The following SLC2A5 variants were observed in gnomAD, a reference collection of about 807,000 sequenced individuals.
SLC2A5 encodes the protein solute carrier family 2 member 5.
SLC2A5 carries 56 observed loss-of-function variants against 50.3 expected under a neutral mutation model. The ratio of observed to expected loss-of-function variants is 1.11; its 90% CI spans 0.90 to 1.39. SLC2A5 has a LOEUF of 1.39. Ranked by LOEUF, SLC2A5 falls within the 40% of genes most tolerant of loss-of-function variation. The pLI is 0.00. For missense variants in SLC2A5, 566 were observed against 650.1 expected (o/e 0.87, Z 1.41); for synonymous variants, 269 against 281.9 (o/e 0.95, Z 0.46).
chr1:9,055,250 G>GCTCACACCTGT, intron 3 of SLC2A5, among the ~76,000 whole-genome samples: 1 of 152,072 alleles, frequency 6.6e-6, no homozygotes, highest in South Asian at 2.1e-4. Context: ...GGGTGCGGTG[G>GCTCACACCTGT]CTCACACCTG....
rs1395645034 is a variant in SLC2A5 at position 9,040,756 on chromosome 1, T to A, written c.572-567A>T. 6.5e-6 allele frequency: 1 copy of A among 153,662 alleles called. No homozygotes were observed. Among genetic ancestry groups the A allele is most frequent in the Non-Finnish European group, 1.4e-5 (1 of 69,136 alleles). The allele number at this position is 153,662 out of a possible 1,614,324, so 9.5% of individuals were successfully genotyped here. A position where few individuals can be genotyped will look rare whatever the true frequency, so the allele number is the denominator to read the frequency against. On this transcript the variant is annotated intron_variant, in intron 5 of 11. Transcript: ENST00000377424. The surrounding 1 kb of genome is among the most constrained non-coding windows in gnomAD (Gnocchi z 4.3). Reference sequence around the variant, plus strand: ...CTAGAGGGCCGTGTGTGGTTCTGAGTCCTGCTATGGAGCTCCCTGAGACAG... The same window carrying A: ...CTAGAGGGCCGTGTGTGGTTCTGAGACCTGCTATGGAGCTCCCTGAGACAG...
chr1:9,093,736 A>C, the SLC2A5 span, among the ~76,000 whole-genome samples: 1 of 151,898 alleles, frequency 6.6e-6, no homozygotes, highest in African/African-American at 2.4e-5. Flanking sequence ...ACCTTACACA[A>C]TCTCTCTTGT....
At chr1:9,077,416 A>G (rs1642297813) in intron 2 of SLC2A5, among the ~76,000 whole-genome samples, 2 of 147,588 alleles carry the variant, frequency 1.4e-5, no homozygotes, top group South Asian at 4.3e-4. Context: ...AAAAAAGCAA[A>G]AAAAAAAGAA....
chr1:9,088,227 C>T (rs1168546862), intron 1 of SLC2A5: 3 of 152,316 alleles, frequency 2.0e-5, no homozygotes, highest in African/African-American at 7.2e-5. Context: ...TCTGAAACCC[C>T]TTTTGACCCT....
chr1:9,076,102 C>T (rs1051988098), intron 2 of SLC2A5, among the ~76,000 whole-genome samples: 1 of 152,064 alleles, frequency 6.6e-6, no homozygotes, highest in Non-Finnish European at 1.5e-5. Flanking sequence ...ATTACAGACG[C>T]ACGCCACTAC....
intron 2 of SLC2A5, chr1:9,082,788 C>A: frequency 2.3e-6 from 1 of 428,708 alleles, no homozygotes; most frequent in Admixed American, 2.9e-5. Flanking sequence ...AAAGTAAATT[C>A]CCAGAAGTCT....
intron 4 of SLC2A5, among the ~76,000 whole-genome samples, chr1:9,046,203 C>G (rs1418064071): frequency 6.6e-6 from 1 of 152,110 alleles, no homozygotes; most frequent in African/African-American, 2.4e-5. Context: ...GCCCACTCTG[C>G]ACCTGTAGGA....
chr1:9,067,294 C>A (rs1324631960), intron 1 of SLC2A5, among the ~76,000 whole-genome samples: 1 of 152,218 alleles, frequency 6.6e-6, no homozygotes, highest in East Asian at 1.9e-4. Flanking sequence ...GCGGGAAGCC[C>A]ATCCCCACCT....
the SLC2A5 span, among the ~76,000 whole-genome samples, chr1:9,094,120 C>T: frequency 3.3e-5 from 5 of 152,190 alleles, no homozygotes; most frequent in African/African-American, 1.2e-4. Flanking sequence ...ACTAATGCAG[C>T]CACACTATCA....
At chr1:9,050,328 C>T (rs139845537) in intron 3 of SLC2A5, among the ~76,000 whole-genome samples, 82 of 151,606 alleles carry the variant, frequency 5.4e-4, no homozygotes, top group African/African-American at 1.9e-3. Flanking sequence ...ATTGGTGGTG[C>T]ACTCCTGTAG....
At chr1:9,038,174 C>G (rs548695024) in intron 10 of SLC2A5, 150 bp from the exon 11 acceptor site, 2 of 921,150 alleles carry the variant, frequency 2.2e-6, no homozygotes, top group Non-Finnish European at 3.3e-6. Context: ...GGGCAAACGG[C>G]AGTGTACAGG....
rs1641209270 is a variant in SLC2A5, at chr1:9,038,722, CT to C, written c.1098+105del. 16 of 1,452,350 alleles carry C rather than the reference CT, an allele frequency of 1.1e-5. 1 individual carries two copies. The East Asian group carries it at 4.0e-4, about 36-fold the overall frequency. The allele number at this position is 1,452,350 out of a possible 1,614,324, so 90.0% of individuals were successfully genotyped here. On this transcript the variant is annotated intron_variant, in intron 9 of 11. Transcript: ENST00000377424. ...TGGCCAGTTGTATTTGCTAAAACAG[CT>C]CATTGTGACCCCTTTTATTTTAAGG...
At chr1:9,087,870 C>T (rs191773641) in intron 1 of SLC2A5, among the ~76,000 whole-genome samples, 2 of 152,230 alleles carry the variant, frequency 1.3e-5, no homozygotes, top group Non-Finnish European at 2.9e-5. Flanking sequence ...TCCTCGTGTG[C>T]CTCCAGTCCA....
chr1:9,081,223 G>A (rs564495070), intron 2 of SLC2A5, among the ~76,000 whole-genome samples: 9 of 133,938 alleles, frequency 6.7e-5, no homozygotes, highest in Non-Finnish European at 1.2e-4. Flanking sequence ...TCATACCACT[G>A]CACTCCAGGC....
At chr1:9,045,498 A>G (rs1641411681) in intron 4 of SLC2A5, among the ~76,000 whole-genome samples, 1 of 152,172 alleles carries the variant, frequency 6.6e-6, no homozygotes, top group Admixed American at 6.6e-5. Flanking sequence ...TGGTCAATAG[A>G]AAAGTGATTG....
At position 9,036,160 on chromosome 1, in the gene SLC2A5, G is replaced by A. The variant is rs1641129654; in HGVS notation, c.*1426C>T. On this transcript the variant is annotated 3_prime_UTR_variant, in exon 12 of 12. Coordinates refer to ENST00000377424, the MANE Select transcript of SLC2A5 (RefSeq NM_003039.3). ...ATTACATATGTGAGGACATTTGGAA[G>A]CTTCCTCAATCTTACATGTATTTAT... 6.6e-6 allele frequency: 1 copy of A among 152,122 alleles called. No homozygotes were observed. The highest frequency in any genetic ancestry group is 2.4e-5 in the African/African-American group (1 of 41,416). The allele number at this position is 152,122 out of a possible 1,614,324, so 9.4% of individuals were successfully genotyped here. A position where few individuals can be genotyped will look rare whatever the true frequency, so the allele number is the denominator to read the frequency against.
Position 9,037,506 on chromosome 1 carries a change from C to A in SLC2A5, c.*80G>T. The A allele has an allele frequency of 6.5e-5, 75 of 1,149,970 alleles. No homozygotes were observed. The highest frequency in any genetic ancestry group is 9.8e-5 in the East Asian group (4 of 40,898). 71.2% of individuals were successfully genotyped at this position (1,149,970 alleles called of 1,614,324 possible). A position where few individuals can be genotyped will look rare whatever the true frequency, so the allele number is the denominator to read the frequency against. On this transcript the variant is annotated 3_prime_UTR_variant, in exon 12 of 12. Coordinates refer to ENST00000377424, the MANE Select transcript of SLC2A5 (RefSeq NM_003039.3). ...CAGAGTTGTTTTATTTCTGGATATT[C>A]ACAGACAGCTAGAAGTCAGAAAAAT... is the stretch of plus-strand genomic sequence containing the variant.
intron 1 of SLC2A5, among the ~76,000 whole-genome samples, chr1:9,087,954 G>T (rs912398400): frequency 4.6e-5 from 7 of 152,082 alleles, no homozygotes; most frequent in African/African-American, 7.2e-5. Flanking sequence ...AAAGCATTTA[G>T]TTTTTTATTA....
intron 2 of SLC2A5, among the ~76,000 whole-genome samples, chr1:9,079,574 C>T (rs1642330287): frequency 6.6e-6 from 1 of 152,210 alleles, no homozygotes; most frequent in Non-Finnish European, 1.5e-5. Context: ...CAACATTTGC[C>T]TCCTAGGCTC....
Sources: gnomAD v4.1 joint callset for allele counts (sites outside exome capture counted in the v4.1 genomes callset) on GRCh38, gnomAD v4.1.1 for gene constraint, Gnocchi (gnomAD v3.1) non-coding constraint, MANE v1.5 for transcripts, NCBI Gene and HGNC (gene_info 2026-07-23, HGNC 2026-07-21) for gene names.